The following KLHL18 variants were observed in gnomAD, a reference collection of about 807,000 sequenced individuals.
The protein encoded by KLHL18 is kelch-like protein 18.
KLHL18 carries 38 observed loss-of-function variants against 58.5 expected under a neutral mutation model. The observed-to-expected ratio is 0.65, with a 90% confidence interval of 0.50 to 0.85. KLHL18 has a LOEUF of 0.85. KLHL18 is among the 40% of genes least tolerant of loss of function. KLHL18 has a pLI of 0.00. For missense variants in KLHL18, 624 were observed against 778.4 expected (o/e 0.80, Z 2.36); for synonymous variants, 303 against 301.9 (o/e 1.00, Z -0.04).
chr3:47,310,671 C>T (rs530515771), intron 1 of KLHL18, among the ~76,000 whole-genome samples: 2 of 152,340 alleles, frequency 1.3e-5, no homozygotes, highest in African/African-American at 4.8e-5. Context: ...CTTTGTCCTT[C>T]TCTGTCGTTT....
At chr3:47,317,284 T>C (rs1032508159) in intron 1 of KLHL18, among the ~76,000 whole-genome samples, 1 of 152,112 alleles carries the variant, frequency 6.6e-6, no homozygotes, top group Non-Finnish European at 1.5e-5. Flanking sequence ...GGCTAATTTT[T>C]TGCATTTTTA....
chr3:47,301,955 C>A (rs1408990603), intron 1 of KLHL18, among the ~76,000 whole-genome samples: 1 of 152,070 alleles, frequency 6.6e-6, no homozygotes, highest in East Asian at 1.9e-4. Context: ...ACTACCACTA[C>A]CATGCCCAGC....
chr3:47,306,138 G>A (rs1703143992), intron 1 of KLHL18, among the ~76,000 whole-genome samples: 1 of 151,604 alleles, frequency 6.6e-6, no homozygotes, highest in African/African-American at 2.4e-5. Context: ...GGTAGTTTGG[G>A]TTATTCACTT....
At position 47,334,540 on chromosome 3, in the gene KLHL18, G is replaced by C. The variant is rs1703940497; in HGVS notation, c.762-143G>C. The C allele has an allele frequency of 1.2e-6, 1 of 853,732 alleles. No homozygotes were observed. The highest frequency in any genetic ancestry group is 1.7e-5 in the African/African-American group (1 of 59,050). The allele number at this position is 853,732 out of a possible 1,614,324, so 52.9% of individuals were successfully genotyped here. ...GTATGATTTTCCCAGAACTCACCTGGTTTCTTTGAGACCAGACCTTCCAGA... is the reference window on the plus strand; with the variant it reads ...GTATGATTTTCCCAGAACTCACCTGCTTTCTTTGAGACCAGACCTTCCAGA... On this transcript the variant is annotated intron_variant, in intron 5 of 9. Transcript: ENST00000232766. The surrounding 1 kb of genome is among the most constrained non-coding windows in gnomAD (Gnocchi z 4.7).
intron 3 of KLHL18, among the ~76,000 whole-genome samples, chr3:47,326,515 G>GC (rs1395134895): frequency 1.3e-5 from 2 of 152,068 alleles, no homozygotes; most frequent in African/African-American, 2.4e-5. Flanking sequence ...TCTTGCATGG[G>GC]CCCCTTTCCT....
intron 1 of KLHL18, among the ~76,000 whole-genome samples, chr3:47,317,845 G>A (rs1246757182): frequency 6.6e-6 from 1 of 152,098 alleles, no homozygotes; most frequent in African/African-American, 2.4e-5. Flanking sequence ...TAATATAATA[G>A]TTATCTTTTG....
At chr3:47,295,748 T>A (rs572983239) in intron 1 of KLHL18, among the ~76,000 whole-genome samples, 52 of 146,950 alleles carry the variant, frequency 3.5e-4, no homozygotes, top group Admixed American at 1.7e-3. Flanking sequence ...TAAAAAAAAA[T>A]TTTTTTTTTT....
chr3:47,292,479 A>T (rs1702809842), intron 1 of KLHL18, among the ~76,000 whole-genome samples: 1 of 152,146 alleles, frequency 6.6e-6, no homozygotes, highest in Non-Finnish European at 1.5e-5. Context: ...CATCTCAAAA[A>T]AAAAAAAGCT....
intron 1 of KLHL18, among the ~76,000 whole-genome samples, chr3:47,299,781 T>C (rs910072606): frequency 7.1e-6 from 1 of 140,378 alleles, no homozygotes; most frequent in African/African-American, 2.7e-5. Flanking sequence ...GAGCCGTGAT[T>C]GCACCACTGC....
intron 1 of KLHL18, among the ~76,000 whole-genome samples, chr3:47,305,078 G>C (rs1421728117): frequency 6.6e-6 from 1 of 151,830 alleles, no homozygotes; most frequent in Non-Finnish European, 1.5e-5. Flanking sequence ...AATAGGGATA[G>C]TTTATTTCTT....
chr3:47,284,793 A>T (rs187149770), intron 1 of KLHL18, among the ~76,000 whole-genome samples: 17 of 152,050 alleles, frequency 1.1e-4, no homozygotes, highest in African/African-American at 4.1e-4. Flanking sequence ...AAGTTACTTA[A>T]TCTCTGTAAG....
At chr3:47,310,748 C>T (rs189161359) in intron 1 of KLHL18, among the ~76,000 whole-genome samples, 1 of 152,198 alleles carries the variant, frequency 6.6e-6, no homozygotes, top group Non-Finnish European at 1.5e-5. Context: ...ATCTTGACAC[C>T]TCTTTTCCCT....
chr3:47,286,720 C>A (rs1702683489), intron 1 of KLHL18, among the ~76,000 whole-genome samples: 1 of 151,848 alleles, frequency 6.6e-6, no homozygotes, highest in Non-Finnish European at 1.5e-5. Flanking sequence ...TGTCGTTTTT[C>A]TGTGGGATGT....
rs144425629 is a variant in KLHL18 at position 47,344,121 on chromosome 3, G to A, written c.*180G>A. The A allele has an allele frequency of 4.1e-4, 282 of 692,520 alleles. No individual in the cohort carries two copies. In the East Asian group the frequency reaches 7.6e-3, roughly 19 times the overall value. 42.9% of individuals were successfully genotyped at this position (692,520 alleles called of 1,614,324 possible). A position where few individuals can be genotyped will look rare whatever the true frequency, so the allele number is the denominator to read the frequency against. On this transcript the variant is annotated 3_prime_UTR_variant, in exon 10 of 10. Transcript: ENST00000232766. ...ACTGTGCCACCCTTGTGACCTTCAG[G>A]CTTGGGTCATCAAGATGCACAGCAT...
At chr3:47,313,679 T>C (rs946046052) in intron 1 of KLHL18, among the ~76,000 whole-genome samples, 13 of 152,244 alleles carry the variant, frequency 8.5e-5, no homozygotes, top group African/African-American at 3.1e-4. Flanking sequence ...ATATGTATAT[T>C]TAATTCTATG....
intron 4 of KLHL18, among the ~76,000 whole-genome samples, chr3:47,332,481 C>G (rs889862784): frequency 3.3e-5 from 5 of 151,970 alleles, no homozygotes; most frequent in Non-Finnish European, 5.9e-5. Context: ...TTGATAGGAG[C>G]CTGGGAGAAA....
chr3:47,319,865 AGC>A, intron 2 of KLHL18, 82 bp downstream of exon 2: 7 of 1,435,250 alleles, frequency 4.9e-6, no homozygotes, highest in Non-Finnish European at 6.8e-6. Context: ...GAGGACCTGC[AGC>A]AGGACACAGT....
rs145450766 is a variant in KLHL18 at position 47,343,602 on chromosome 3, C to T, written c.1386C>T (p.Gly462=). ...CAGCCACCTGGCACCCTGCAGCTGG[C>T]ATGCTCAACAAGCGCTGCCGGCACG... ...HHTATWHPAA[G]MLNKRCRHGA... Residue 462 remains glycine, a synonymous_variant, in exon 10 of 10, where the codon GGC becomes GGT. Coordinates refer to ENST00000232766, the MANE Select transcript of KLHL18 (RefSeq NM_025010.5). The T allele has an allele frequency of 9.5e-4, 1,529 of 1,614,042 alleles. No homozygotes were observed. Among genetic ancestry groups the T allele is most frequent in the Non-Finnish European group, 1.2e-3 (1,454 of 1,180,028 alleles).
chr3:47,313,189 G>C (rs973682385), intron 1 of KLHL18, among the ~76,000 whole-genome samples: 2 of 149,084 alleles, frequency 1.3e-5, no homozygotes, highest in African/African-American at 4.9e-5. Flanking sequence ...GATTACAGGC[G>C]TGAGCCACCG....
Sources: allele counts gnomAD v4.1 joint callset (sites outside exome capture counted in the v4.1 genomes callset), GRCh38; gene constraint gnomAD v4.1.1; non-coding constraint Gnocchi (gnomAD v3.1); transcripts MANE v1.5; gene names NCBI Gene and HGNC (gene_info 2026-07-23, HGNC 2026-07-21).